Variants in RBFOX1 observed in about 807,000 individuals in gnomAD.
RBFOX1 encodes RNA binding protein fox-1 homolog 1.
A neutral mutation model predicts 57.7 loss-of-function variants in RBFOX1; 8 were observed. The observed-to-expected ratio is 0.14, with a 90% CI of 0.08 to 0.25. The LOEUF is 0.25. Ranked by LOEUF, RBFOX1 falls within the 10% of genes least tolerant of loss-of-function variation. The pLI is 1.00. For missense variants in RBFOX1, 611 were observed against 548.5 expected (o/e 1.11, Z -1.14); for synonymous variants, 326 against 222.4 (o/e 1.47, Z -4.15).
chr16:6,754,139 G>C (rs1345323905), intron 3 of RBFOX1, among the ~76,000 whole-genome samples: 1 of 152,138 alleles, frequency 6.6e-6, no homozygotes, highest in Non-Finnish European at 1.5e-5. Context: ...TTCATATTAT[G>C]ACAGCATTTT....
intron 3 of RBFOX1, among the ~76,000 whole-genome samples, chr16:6,728,788 G>C (rs1198370766): frequency 1.3e-5 from 2 of 152,080 alleles, no homozygotes; most frequent in Non-Finnish European, 2.9e-5. Flanking sequence ...ACTAATTGTA[G>C]GTCATTATGT....
chr16:6,397,890 T>C (rs1248905034), intron 2 of RBFOX1, among the ~76,000 whole-genome samples: 2 of 151,972 alleles, frequency 1.3e-5, no homozygotes, highest in African/African-American at 2.4e-5. Context: ...GTGAGAAAGA[T>C]ACGGAAGGAA....
In RBFOX1 at chr16:7,030,145, AGTGAT is replaced by A. The variant is rs553712615; in HGVS notation, c.-15-21909_-15-21905del. On this transcript the variant is annotated intron_variant, in intron 3 of 15. Coordinates refer to ENST00000550418, the MANE Select transcript of RBFOX1 (RefSeq NM_018723.4). ...CCATAACCCTGGTGGTTTTAATTGTAGTGATGTCATTGAGCTTTGTTCTGAGATAT... is the reference window on the plus strand; with the variant it reads ...CCATAACCCTGGTGGTTTTAATTGTAGTCATTGAGCTTTGTTCTGAGATAT... 1.5e-3 allele frequency among the ~76,000 whole-genome samples: 230 copies of A among 152,314 alleles called. 1 individual carries two copies. Among genetic ancestry groups the A allele is most frequent in the African/African-American group, 5.4e-3 (224 of 41,584 alleles).
At chr16:7,442,845 T>A (rs1051803216) in intron 4 of RBFOX1, among the ~76,000 whole-genome samples, 2 of 152,162 alleles carry the variant, frequency 1.3e-5, no homozygotes, top group East Asian at 1.9e-4. Context: ...TTTTTCTGAT[T>A]CAGGACCTGG....
intron 4 of RBFOX1, among the ~76,000 whole-genome samples, chr16:7,512,992 G>T (rs556182891): frequency 9.2e-5 from 14 of 152,286 alleles, no homozygotes; most frequent in African/African-American, 3.4e-4. Context: ...GGACAGGCGC[G>T]GTGGCTCATG....
chr16:7,471,445 A>C (rs966955852), intron 4 of RBFOX1, among the ~76,000 whole-genome samples: 1 of 152,198 alleles, frequency 6.6e-6, no homozygotes, highest in Admixed American at 6.5e-5. Flanking sequence ...TGATGTTACC[A>C]TGACTCATTT....
chr16:7,197,530 G>T (rs1032636821), intron 4 of RBFOX1, among the ~76,000 whole-genome samples: 1 of 147,006 alleles, frequency 6.8e-6, no homozygotes, highest in African/African-American at 2.5e-5. Context: ...CTTAAAAAAA[G>T]TTAAACATAA....
chr16:5,389,851 C>G (rs1162771644), intron 1 of RBFOX1, among the ~76,000 whole-genome samples: 2 of 151,892 alleles, frequency 1.3e-5, no homozygotes, highest in Admixed American at 6.6e-5. Flanking sequence ...GTGCCTGCCA[C>G]CACGACCAGC....
intron 3 of RBFOX1, among the ~76,000 whole-genome samples, chr16:6,853,348 G>A (rs2094169980): frequency 6.6e-6 from 1 of 152,108 alleles, no homozygotes; most frequent in Non-Finnish European, 1.5e-5. Flanking sequence ...ATACCTCTGT[G>A]CATTGTAGCA....
intron 3 of RBFOX1, among the ~76,000 whole-genome samples, chr16:6,758,738 C>T (rs2076176625): frequency 1.3e-5 from 2 of 152,072 alleles, no homozygotes; most frequent in African/African-American, 2.4e-5. Flanking sequence ...ATATTGATTG[C>T]CAAGGAACCT....
chr16:7,682,043 C>T (rs997856687), intron 14 of RBFOX1, among the ~76,000 whole-genome samples: 1 of 152,148 alleles, frequency 6.6e-6, no homozygotes, highest in Non-Finnish European at 1.5e-5. Flanking sequence ...AACGGAAGAA[C>T]ACCAACCATG....
intron 3 of RBFOX1, among the ~76,000 whole-genome samples, chr16:6,950,828 C>T (rs964759779): frequency 6.6e-6 from 1 of 152,078 alleles, no homozygotes; most frequent in Non-Finnish European, 1.5e-5. Context: ...ACATTTCCTT[C>T]CTCAGCTCTT....
intron 3 of RBFOX1, among the ~76,000 whole-genome samples, chr16:7,005,702 G>T (rs953018177): frequency 6.6e-6 from 1 of 152,180 alleles, no homozygotes. Context: ...TCTCAGGACT[G>T]TGGTGGGTCA....
At chr16:5,834,166 T>C (rs2151832966) in intron 3 of RBFOX1, among the ~76,000 whole-genome samples, 1 of 152,322 alleles carries the variant, frequency 6.6e-6, no homozygotes, top group Admixed American at 6.5e-5. Context: ...TGGTTTTTGG[T>C]TACATGGATT....
chr16:7,593,973 C>CT (rs995965963), intron 7 of RBFOX1, among the ~76,000 whole-genome samples: 11 of 152,080 alleles, frequency 7.2e-5, no homozygotes, highest in African/African-American at 2.7e-4. Flanking sequence ...TTGCACAATA[C>CT]TTTTTTTGTT....
rs74751884 is a variant in RBFOX1 at position 6,284,505 on chromosome 16, G to C, written c.-126-32490G>C. On this transcript the variant is annotated intron_variant, in intron 1 of 15. Coordinates refer to ENST00000550418, the MANE Select transcript of RBFOX1 (RefSeq NM_018723.4). ...GCAGGTGGGTGGGCTGCGAAGTTGGGATAAATGTTTCATTCATTTAATGCC... is the reference window on the plus strand; with the variant it reads ...GCAGGTGGGTGGGCTGCGAAGTTGGCATAAATGTTTCATTCATTTAATGCC... Among the ~76,000 whole-genome samples, 797 of 152,268 alleles carry C rather than the reference G, an allele frequency of 5.2e-3. 7 individuals carry two copies. Among genetic ancestry groups the C allele is most frequent in the African/African-American group, 0.018 (757 of 41,552 alleles).
chr16:7,638,306 C>G (rs1055965216), intron 11 of RBFOX1, among the ~76,000 whole-genome samples: 4 of 152,162 alleles, frequency 2.6e-5, no homozygotes, highest in Admixed American at 2.0e-4. Context: ...TACCTTTTCT[C>G]AGGAGGAAAT....
intron 4 of RBFOX1, among the ~76,000 whole-genome samples, chr16:7,482,929 C>A (rs1266951073): frequency 6.6e-6 from 1 of 152,094 alleles, no homozygotes; most frequent in Non-Finnish European, 1.5e-5. Flanking sequence ...CCCTTTTTGA[C>A]TTTATCCTGG....
chr16:7,501,406 C>T (rs2070804458), intron 4 of RBFOX1, among the ~76,000 whole-genome samples: 2 of 152,194 alleles, frequency 1.3e-5, no homozygotes, highest in Non-Finnish European at 2.9e-5. Flanking sequence ...GTTGCATTTA[C>T]TCTTTGATTT....
Sources: gnomAD v4.1 joint callset for allele counts (sites outside exome capture counted in the v4.1 genomes callset) on GRCh38, gnomAD v4.1.1 for gene constraint, MANE v1.5 for transcripts, NCBI Gene and HGNC (gene_info 2026-07-23, HGNC 2026-07-21) for gene names.